GPC6: variants seen among roughly 807,000 people sequenced by gnomAD.
GPC6 encodes glypican 6, also known as glypican-6.
A neutral mutation model predicts 55.2 loss-of-function variants in GPC6; 14 were observed. The observed-to-expected ratio is 0.25, with a 90% CI of 0.17 to 0.40. The LOEUF is 0.40. Among genes scored for constraint, GPC6 ranks in the 10% least tolerant of loss-of-function variants. GPC6 has a pLI of 1.00. For missense variants in GPC6, 641 were observed against 708.5 expected (o/e 0.90, Z 1.08); for synonymous variants, 278 against 259.6 (o/e 1.07, Z -0.68).
At chr13:93,322,332 G>A (rs1368879875) in intron 1 of GPC6, among the ~76,000 whole-genome samples, 1 of 151,058 alleles carries the variant, frequency 6.6e-6, no homozygotes, top group Non-Finnish European at 1.5e-5. Context: ...GTGTGTATAT[G>A]TGTCAATGTG....
At chr13:93,645,767 T>C (rs1880144009) in intron 2 of GPC6, among the ~76,000 whole-genome samples, 1 of 152,140 alleles carries the variant, frequency 6.6e-6, no homozygotes, top group Non-Finnish European at 1.5e-5. Flanking sequence ...AAGTAAATAA[T>C]GGTATGTTTT....
rs561281172 is a variant in GPC6 at position 94,027,962 on chromosome 13, G to C, written c.877+68G>C. 20 of 1,398,158 alleles carry C rather than the reference G, an allele frequency of 1.4e-5. No homozygotes were observed. The African/African-American group carries it at 2.8e-4, about 20-fold the overall frequency. The allele number at this position is 1,398,158 out of a possible 1,614,324, so 86.6% of individuals were successfully genotyped here. On this transcript the variant is annotated intron_variant, in intron 4 of 8. Transcript: ENST00000377047. ...CAGCAAGTGTTTATGGGGCTTGATGGGTGGGTCAGAAGTTATAAGAAACCA... is the reference window on the plus strand; with the variant it reads ...CAGCAAGTGTTTATGGGGCTTGATGCGTGGGTCAGAAGTTATAAGAAACCA...
chr13:94,328,208 G>C (rs1877223545), intron 6 of GPC6, among the ~76,000 whole-genome samples: 1 of 152,144 alleles, frequency 6.6e-6, no homozygotes, highest in African/African-American at 2.4e-5. Context: ...TGGGGTACAG[G>C]GGACAGCAAA....
chr13:93,479,826 T>C (rs1290593313), intron 1 of GPC6, among the ~76,000 whole-genome samples: 1 of 152,210 alleles, frequency 6.6e-6, no homozygotes, highest in African/African-American at 2.4e-5. Flanking sequence ...GTAATAATCA[T>C]ACGGTGTAGT....
intron 2 of GPC6, among the ~76,000 whole-genome samples, chr13:93,645,681 T>C (rs963491247): frequency 6.6e-6 from 1 of 152,162 alleles, no homozygotes; most frequent in Non-Finnish European, 1.5e-5. Flanking sequence ...CTATTCATGG[T>C]TGTATGTTTA....
At chr13:94,305,822 T>C (rs1875914117) in intron 5 of GPC6, among the ~76,000 whole-genome samples, 158 bp from the exon 6 acceptor site, 1 of 152,244 alleles carries the variant, frequency 6.6e-6, no homozygotes, top group Admixed American at 6.5e-5. Context: ...CTTTCTGTTA[T>C]ATTAGTGGTT....
intron 1 of GPC6, among the ~76,000 whole-genome samples, chr13:93,542,595 A>G (rs1882360100): frequency 6.6e-6 from 1 of 152,130 alleles, no homozygotes; most frequent in African/African-American, 2.4e-5. Flanking sequence ...ATGGCATTGA[A>G]TCTATAAATT....
intron 1 of GPC6, among the ~76,000 whole-genome samples, chr13:93,294,058 G>C (rs1188964625): frequency 6.6e-6 from 1 of 152,088 alleles, no homozygotes; most frequent in Non-Finnish European, 1.5e-5. Context: ...CACAATAAAG[G>C]ATCTAAGTGT....
intron 3 of GPC6, among the ~76,000 whole-genome samples, chr13:93,948,668 C>G (rs1470061716): frequency 6.6e-6 from 1 of 152,164 alleles, no homozygotes; most frequent in East Asian, 1.9e-4. Flanking sequence ...ACTCTGAAAG[C>G]ACTGCTAGAT....
chr13:93,984,396 G>T (rs1462755331), intron 3 of GPC6, among the ~76,000 whole-genome samples: 1 of 152,146 alleles, frequency 6.6e-6, no homozygotes. Flanking sequence ...CAGTAATGCA[G>T]AATGAATGGC....
chr13:94,407,548 G>C lies in GPC6; in HGVS notation c.*4331G>C, dbSNP rs1207641328. Reference sequence around the variant, plus strand: ...TATTAAAACAGTGCCACTCTCCTAAGTACACTCAGCATCTGAAATCAGGAA... The same window carrying C: ...TATTAAAACAGTGCCACTCTCCTAACTACACTCAGCATCTGAAATCAGGAA... On this transcript the variant is annotated 3_prime_UTR_variant, in exon 9 of 9. Coordinates refer to ENST00000377047, the MANE Select transcript of GPC6 (RefSeq NM_005708.5). 6.6e-6 allele frequency: 1 copy of C among 152,062 alleles called. No individual in the cohort carries two copies. Among genetic ancestry groups the C allele is most frequent in the African/African-American group, 2.4e-5 (1 of 41,436 alleles). The allele number at this position is 152,062 out of a possible 1,614,324, so 9.4% of individuals were successfully genotyped here.
chr13:93,264,863 T>G (rs1372660010), intron 1 of GPC6, among the ~76,000 whole-genome samples: 6 of 152,194 alleles, frequency 3.9e-5, no homozygotes, highest in Non-Finnish European at 8.8e-5. Flanking sequence ...CTCCATTTGT[T>G]GAATCCAGGA....
intron 3 of GPC6, among the ~76,000 whole-genome samples, chr13:93,905,839 A>G (rs887231975): frequency 2.6e-5 from 4 of 152,224 alleles, no homozygotes; most frequent in Admixed American, 1.3e-4. Context: ...GGCAAAGAGA[A>G]AAATAGTGAA....
At chr13:94,004,866 G>C (rs1019693004) in intron 3 of GPC6, among the ~76,000 whole-genome samples, 3 of 151,940 alleles carry the variant, frequency 2.0e-5, no homozygotes, top group Admixed American at 2.0e-4. Context: ...AGACCACCCT[G>C]GTGGTCTCAA....
chr13:93,911,406 C>CTGTGTG (rs10566353), intron 3 of GPC6, among the ~76,000 whole-genome samples: 6 of 149,920 alleles, frequency 4.0e-5, no homozygotes, highest in African/African-American at 9.8e-5. Context: ...AGATAATTGA[C>CTGTGTG]TGTGTGTGTG....
chr13:94,185,265 A>G (rs1889133660), intron 4 of GPC6, among the ~76,000 whole-genome samples: 1 of 151,866 alleles, frequency 6.6e-6, no homozygotes, highest in Admixed American at 6.6e-5. Context: ...GTTGAAAAAA[A>G]AAAAAAAAAA....
intron 2 of GPC6, among the ~76,000 whole-genome samples, chr13:93,770,829 C>T (rs963789506): frequency 6.6e-6 from 1 of 152,108 alleles, no homozygotes; most frequent in East Asian, 1.9e-4. Flanking sequence ...TCCTTTTCTC[C>T]CCCATACTTT....
At chr13:94,395,218 T>C (rs1880845545) in intron 7 of GPC6, among the ~76,000 whole-genome samples, 1 of 152,152 alleles carries the variant, frequency 6.6e-6, no homozygotes, top group Non-Finnish European at 1.5e-5. Context: ...TTTTAGAAGT[T>C]ACATCAGGAA....
chr13:93,683,147 T>C (rs542755973), intron 2 of GPC6, among the ~76,000 whole-genome samples: 1 of 152,276 alleles, frequency 6.6e-6, no homozygotes, highest in Non-Finnish European at 1.5e-5. Flanking sequence ...TCAGGATTAA[T>C]ATCAGTAAAA....
Sources: allele counts gnomAD v4.1 joint callset (sites outside exome capture counted in the v4.1 genomes callset), GRCh38; gene constraint gnomAD v4.1.1; transcripts MANE v1.5; gene names NCBI Gene and HGNC (gene_info 2026-07-23, HGNC 2026-07-21).